Variants in ACER1 observed in about 807,000 individuals in gnomAD.
The protein encoded by ACER1 is CTB-180A7.3.
Under a neutral mutation model 24.9 loss-of-function variants are expected in ACER1, and 28 were observed. The observed-to-expected ratio is 1.13, with a 90% CI of 0.83 to 1.54. ACER1 has a LOEUF of 1.54. Ranked by LOEUF, ACER1 falls within the 40% of genes most tolerant of loss-of-function variation. ACER1 has a pLI of 0.00. For synonymous variants in ACER1, 132 were observed against 131.4 expected, an observed-to-expected ratio of 1.00 and a Z score of -0.03; for missense variants, 352 against 349.3, an observed-to-expected ratio of 1.01 and a Z score of -0.06.
At chr19:6,327,211 G>A (rs1394069630) in intron 1 of ACER1, among the ~76,000 whole-genome samples, 1 of 152,116 alleles carries the variant, frequency 6.6e-6, no homozygotes. Context: ...CAGGCAGATC[G>A]CCTGAGGTCA....
the ACER1 span, among the ~76,000 whole-genome samples, chr19:6,347,696 C>T: frequency 1.3e-5 from 2 of 151,758 alleles, no homozygotes; most frequent in African/African-American, 2.4e-5. Flanking sequence ...ATTAGCCGGG[C>T]GTGGTGGCAG....
At chr19:6,324,625 C>T (rs1375359772) in intron 1 of ACER1, among the ~76,000 whole-genome samples, 3 of 151,052 alleles carry the variant, frequency 2.0e-5, no homozygotes, top group Non-Finnish European at 2.9e-5. Flanking sequence ...ATTAACCGGG[C>T]GTGGTGGCAC....
chr19:6,312,137 C>G lies in ACER1; in HGVS notation c.350+12G>C. 2 of 1,612,260 alleles carry G rather than the reference C, an allele frequency of 1.2e-6. No homozygotes were observed. Among genetic ancestry groups the G allele is most frequent in the Non-Finnish European group, 1.7e-6 (2 of 1,179,404 alleles). On this transcript the variant is annotated intron_variant, in intron 3 of 5. Transcript: ENST00000301452. ...GACCCCACCCTGTCCAGATGGCCAGCCCCTGACCCACCTGTTCCCCCCAAG... is the reference window on the plus strand; with the variant it reads ...GACCCCACCCTGTCCAGATGGCCAGGCCCTGACCCACCTGTTCCCCCCAAG...
chr19:6,307,344 G>A, intron 4 of ACER1, 54 bp from the exon 5 acceptor site: 4 of 1,590,166 alleles, frequency 2.5e-6, no homozygotes, highest in Non-Finnish European at 1.7e-6. Context: ...CACCTGATGG[G>A]GCTGATGGGA....
At chr19:6,356,433 A>C in the ACER1 span, among the ~76,000 whole-genome samples, 1 of 149,818 alleles carries the variant, frequency 6.7e-6, no homozygotes, top group African/African-American at 2.5e-5. Flanking sequence ...ACCCTGCCAA[A>C]TCCCCCTCTG....
chr19:6,327,007 CT>C (rs1353685436), intron 1 of ACER1, among the ~76,000 whole-genome samples: 1 of 152,196 alleles, frequency 6.6e-6, no homozygotes. Flanking sequence ...TCCTATTCAT[CT>C]TTCAAAACCC....
At chr19:6,351,137 C>T in the ACER1 span, among the ~76,000 whole-genome samples, 9,088 of 151,918 alleles carry the variant, frequency 0.06, 391 homozygotes, top group African/African-American at 0.12. Flanking sequence ...GAGGCTGAGG[C>T]GGGCGGATCA....
the ACER1 span, among the ~76,000 whole-genome samples, chr19:6,347,109 A>AAAAAAAAAAAAAAAAAATAT: frequency 2.6e-5 from 3 of 113,822 alleles, no homozygotes; most frequent in African/African-American, 1.5e-4. Flanking sequence ...AAAAAAAAAA[A>AAAAAAAAAAAAAAAAAATAT]ATATATATAT....
At chr19:6,356,767 G>A in the ACER1 span, among the ~76,000 whole-genome samples, 3 of 151,950 alleles carry the variant, frequency 2.0e-5, no homozygotes, top group African/African-American at 7.3e-5. Flanking sequence ...TCCTGTTGGC[G>A]TGTGCCTGTG....
chr19:6,325,451 A>G (rs8105909), intron 1 of ACER1, among the ~76,000 whole-genome samples: 38,477 of 152,080 alleles, frequency 0.25, 6,699 homozygotes, highest in African/African-American at 0.48. Context: ...TCAGGAGTTC[A>G]AGACCAGGCT....
rs76813418 is a variant in ACER1 at position 6,321,894 on chromosome 19, G to A, written c.94-9395C>T. 9.8e-3 allele frequency among the ~76,000 whole-genome samples: 1,489 copies of A among 152,004 alleles called. 25 individuals carry two copies. Among genetic ancestry groups the A allele is most frequent in the African/African-American group, 0.033 (1,353 of 41,260 alleles). The stretch of plus-strand genomic sequence containing the variant: ...CCCAAAGTACTGGGATGACAGGTAT[G>A]AGCCACTGCACCCGGCCGGCAGGGA... On this transcript the variant is annotated intron_variant, in intron 1 of 5. Coordinates refer to ENST00000301452, the MANE Select transcript of ACER1 (RefSeq NM_133492.3).
intron 1 of ACER1, among the ~76,000 whole-genome samples, chr19:6,331,164 T>TC (rs1025093700): frequency 6.8e-6 from 1 of 147,628 alleles, no homozygotes; most frequent in Non-Finnish European, 1.5e-5. Flanking sequence ...TTTTTTTTTT[T>TC]TTTTGAGATG....
At chr19:6,355,594 G>T in the ACER1 span, among the ~76,000 whole-genome samples, 1 of 148,770 alleles carries the variant, frequency 6.7e-6, no homozygotes, top group Non-Finnish European at 1.5e-5. Flanking sequence ...GCCCCGCCAG[G>T]CCAGCCGCCC....
At chr19:6,314,658 G>A (rs1341956889) in intron 1 of ACER1, among the ~76,000 whole-genome samples, 3 of 151,978 alleles carry the variant, frequency 2.0e-5, no homozygotes, top group African/African-American at 4.8e-5. Flanking sequence ...CAACCTCTAC[G>A]GAAAACAGTA....
rs1279370846 is a variant in ACER1 at position 6,329,442 on chromosome 19, G to A, written c.93+4017C>T. Reference sequence around the variant, plus strand: ...GTGTGTTTGTACCAGGGAAGGGTAAGTCTCGTTTTGTGCAACTTTTGTTTC... The same window carrying A: ...GTGTGTTTGTACCAGGGAAGGGTAAATCTCGTTTTGTGCAACTTTTGTTTC... On this transcript the variant is annotated intron_variant, in intron 1 of 5. Coordinates refer to ENST00000301452, the MANE Select transcript of ACER1 (RefSeq NM_133492.3). Among the ~76,000 whole-genome samples, 3 of 147,634 alleles carry A rather than the reference G, an allele frequency of 2.0e-5. No homozygotes were observed. In the East Asian group the frequency reaches 6.1e-4, roughly 30 times the overall value.
chr19:6,322,109 C>A (rs2091633773), intron 1 of ACER1, among the ~76,000 whole-genome samples: 1 of 152,294 alleles, frequency 6.6e-6, no homozygotes, highest in South Asian at 2.1e-4. Context: ...CCAGAGGAAC[C>A]TATCTTGCCT....
Position 6,306,715 on chromosome 19 carries a change from C to T in ACER1, c.794G>A (p.Ter265=). ...VEIRGDDKDC[*] Reference sequence around the variant, plus strand: ...GGATAGTCAAGAGGCTGGCAGGTCTCAGCAGTCCTTGTCATCACCCCGGAT... The same window carrying T: ...GGATAGTCAAGAGGCTGGCAGGTCTTAGCAGTCCTTGTCATCACCCCGGAT... The change falls in exon 6 of 6, where the codon TGA becomes TAA. Residue 265 remains the stop codon, a stop_retained_variant. Coordinates refer to ENST00000301452, the MANE Select transcript of ACER1 (RefSeq NM_133492.3). 1 of 1,606,460 alleles carries T rather than the reference C, an allele frequency of 6.2e-7. No homozygotes were observed. Among genetic ancestry groups the T allele is most frequent in the South Asian group, 1.1e-5 (1 of 89,846 alleles).
At chr19:6,308,643 G>A (rs911203714) in intron 4 of ACER1, among the ~76,000 whole-genome samples, 3 of 151,964 alleles carry the variant, frequency 2.0e-5, no homozygotes, top group Non-Finnish European at 4.4e-5. Context: ...TATGTTTTGG[G>A]GTAGAGGTAT....
At chr19:6,342,270 T>C in the ACER1 span, among the ~76,000 whole-genome samples, 1 of 151,190 alleles carries the variant, frequency 6.6e-6, no homozygotes, top group South Asian at 2.1e-4. Context: ...TTTTTTTTTT[T>C]TTTTTTTTTA....
Sources: gnomAD v4.1 joint callset for allele counts (sites outside exome capture counted in the v4.1 genomes callset) on GRCh38, gnomAD v4.1.1 for gene constraint, MANE v1.5 for transcripts, NCBI Gene and HGNC (gene_info 2026-07-23, HGNC 2026-07-21) for gene names.